Variants in TSHR observed in about 807,000 individuals in gnomAD.
TSHR encodes the protein thyrotropin receptor.
TSHR carries 51 observed loss-of-function variants against 64.1 expected under a neutral mutation model. That is an observed-to-expected ratio of 0.80 (90% CI 0.64 to 1.01). The LOEUF (loss-of-function observed/expected upper bound fraction) is 1.01, where lower values mean the gene tolerates loss of function less well. Among genes scored for constraint, TSHR ranks in the 50% least tolerant of loss-of-function variants. TSHR has a pLI of 0.00. For missense variants in TSHR, 877 were observed against 942.8 expected (o/e 0.93, Z 0.91); for synonymous variants, 361 against 361.9 (o/e 1.00, Z 0.03).
chr14:81,135,847 A>G (rs908868256), intron 8 of TSHR, among the ~76,000 whole-genome samples: 2 of 152,216 alleles, frequency 1.3e-5, no homozygotes, highest in African/African-American at 4.8e-5. Context: ...TGTCTGATTA[A>G]AACTGCAGAT....
intron 1 of TSHR, chr14:80,982,614 A>AT (rs1301117842): frequency 9.2e-7 from 1 of 1,092,536 alleles, no homozygotes; most frequent in African/African-American, 1.6e-5. Context: ...ATGGAAAAAA[A>AT]AAATAGGCCC....
chr14:81,082,374 A>G (rs1887967280), intron 3 of TSHR, among the ~76,000 whole-genome samples: 1 of 152,208 alleles, frequency 6.6e-6, no homozygotes, highest in Non-Finnish European at 1.5e-5. Flanking sequence ...GTCATGTGCA[A>G]TCCTGAGTTT....
chr14:80,996,404 T>A (rs1889022508), intron 1 of TSHR, among the ~76,000 whole-genome samples: 1 of 152,162 alleles, frequency 6.6e-6, no homozygotes, highest in Non-Finnish European at 1.5e-5. Context: ...TTTTTAAAAC[T>A]TTCGTCTATG....
chr14:81,085,182 G>A (rs377529917), intron 3 of TSHR, among the ~76,000 whole-genome samples: 7 of 152,044 alleles, frequency 4.6e-5, no homozygotes, highest in African/African-American at 1.7e-4. Flanking sequence ...GGCTGGTCTT[G>A]AACTCCTGAC....
chr14:81,027,144 T>A, intron 1 of TSHR, among the ~76,000 whole-genome samples: 1 of 149,040 alleles, frequency 6.7e-6, no homozygotes, highest in Non-Finnish European at 1.5e-5. Context: ...CAAAATGAAA[T>A]AGAAAAGAAA....
intron 1 of TSHR, chr14:80,983,461 C>A: frequency 1.5e-6 from 2 of 1,329,232 alleles, no homozygotes; most frequent in Non-Finnish European, 2.1e-6. Flanking sequence ...GCACTGGCAG[C>A]ATCAAAACTC....
In TSHR at chr14:81,143,701, G is replaced by T. The variant is rs1382824150; in HGVS notation, c.1643G>T (p.Cys548Phe). 1.2e-6 allele frequency: 2 copies of T among 1,614,092 alleles called. No homozygotes were observed. Among genetic ancestry groups the T allele is most frequent in the Non-Finnish European group, 1.7e-6 (2 of 1,180,056 alleles). Reference sequence around the variant, plus strand: ...GCCATCATGGTTGGGGGCTGGGTTTGCTGCTTCCTTCTCGCCCTGCTTCCT... The same window carrying T: ...GCCATCATGGTTGGGGGCTGGGTTTTCTGCTTCCTTCTCGCCCTGCTTCCT... Reference protein sequence around the residue: ...ACAIMVGGWVCCFLLALLPLV... With the variant: ...ACAIMVGGWVFCFLLALLPLV... The change falls in exon 10 of 10, where the codon TGC (cysteine) becomes TTC (phenylalanine). Residue 548 changes from cysteine (C) to phenylalanine (F), a missense_variant. Cys to Phe is a radical substitution (Grantham distance 205, BLOSUM62 -2). Transcript: ENST00000298171.
rs557239689 is a variant in TSHR, at chr14:81,092,753, A to G, written c.545+145A>G. The G allele has an allele frequency of 3.7e-5, 29 of 786,754 alleles. No individual in the cohort carries two copies. The South Asian group carries it at 4.0e-4, about 11-fold the overall frequency. The allele number at this position is 786,754 out of a possible 1,614,324, so 48.7% of individuals were successfully genotyped here. A position where few individuals can be genotyped will look rare whatever the true frequency, so the allele number is the denominator to read the frequency against. ...GTGTTTTACACAATTAAATAATAGTATTGTCTTATGGGATGGTACTCTGTA... is the reference window on the plus strand; with the variant it reads ...GTGTTTTACACAATTAAATAATAGTGTTGTCTTATGGGATGGTACTCTGTA... On this transcript the variant is annotated intron_variant, in intron 6 of 9. Transcript: ENST00000298171.
At chr14:80,969,073 G>A (rs1887460284) in intron 1 of TSHR, among the ~76,000 whole-genome samples, 3 of 152,180 alleles carry the variant, frequency 2.0e-5, no homozygotes, top group Non-Finnish European at 2.9e-5. Context: ...TCAGACATGT[G>A]TATCCTAGCT....
Position 80,955,717 on chromosome 14 carries a change from C to T in TSHR, c.37C>T (p.Leu13Phe), listed in dbSNP as rs2139669314. 2 of 1,614,150 alleles carry T rather than the reference C, an allele frequency of 1.2e-6. No individual in the cohort carries two copies. Among genetic ancestry groups the T allele is most frequent in the Middle Eastern group, 1.7e-4 (1 of 6,056 alleles). ...GGACTTGCTGCAGCTGGTGCTGCTG[C>T]TCGACCTGCCCAGGGACCTGGGCGG... ...PADLLQLVLL[L>F]DLPRDLGGMG... The change falls in exon 1 of 10, where the codon CTC becomes TTC. Residue 13 changes from leucine to phenylalanine, a missense_variant. Coordinates refer to ENST00000298171, the MANE Select transcript of TSHR (RefSeq NM_000369.5).
intron 1 of TSHR, among the ~76,000 whole-genome samples, chr14:80,979,866 GAGTTTCTTT>G (rs201856905): frequency 0.013 from 2,010 of 152,242 alleles, 15 homozygotes; most frequent in Middle Eastern, 0.048. Flanking sequence ...AATGGAAATG[GAGTTTCTTT>G]TGTTCTTGCT....
At chr14:81,000,264 T>TAATACCACCCCAGAAATCAGTCGC (rs71103893) in intron 1 of TSHR, among the ~76,000 whole-genome samples, 1 of 151,808 alleles carries the variant, frequency 6.6e-6, no homozygotes, top group East Asian at 1.9e-4. Context: ...ACTGACATTG[T>TAATACCACCCCAGAAATCAGTCGC]AAACCAGAAT....
intron 2 of TSHR, 91 bp from the exon 3 acceptor site, chr14:81,068,163 C>G (rs1036821949): frequency 7.7e-6 from 9 of 1,174,146 alleles, no homozygotes; most frequent in Middle Eastern, 2.0e-4. Flanking sequence ...ATCTGGGAAG[C>G]GCATAACAAA....
chr14:81,134,362 C>G (rs982154955), intron 8 of TSHR, among the ~76,000 whole-genome samples: 2 of 152,000 alleles, frequency 1.3e-5, no homozygotes, highest in Non-Finnish European at 2.9e-5. Context: ...TCTCAAACTC[C>G]CAACCTCAGG....
intron 1 of TSHR, among the ~76,000 whole-genome samples, chr14:81,047,927 T>C (rs1885248558): frequency 6.6e-6 from 1 of 152,112 alleles, no homozygotes. Flanking sequence ...ATTACAGGTG[T>C]GAGCCACCGC....
chr14:81,114,437 G>A lies in TSHR; in HGVS notation c.692+5985G>A, dbSNP rs368623016. Among the ~76,000 whole-genome samples the A allele has an allele frequency of 1.0e-3, 152 of 152,264 alleles. 3 individuals carry two copies. The South Asian group carries it at 0.029, about 29-fold the overall frequency. ...GGTGACAGACGGCAACTGGAAAATC[G>A]GGTCGCTCCCACCCGAATACTGCGC... On this transcript the variant is annotated intron_variant, in intron 8 of 9. Coordinates refer to ENST00000298171, the MANE Select transcript of TSHR (RefSeq NM_000369.5).
chr14:81,064,274 A>G (rs537842357), intron 2 of TSHR, among the ~76,000 whole-genome samples: 1 of 152,264 alleles, frequency 6.6e-6, no homozygotes, highest in East Asian at 1.9e-4. Context: ...ATGAAAAAGG[A>G]TAGAGATTTG....
At chr14:81,032,613 G>T in intron 1 of TSHR, 1 of 448,534 alleles carries the variant, frequency 2.2e-6, no homozygotes, top group South Asian at 1.9e-5. Flanking sequence ...CAGGTTGTTT[G>T]AACTAGCCAA....
intron 8 of TSHR, among the ~76,000 whole-genome samples, chr14:81,116,146 C>T (rs571885259): frequency 3.3e-5 from 5 of 151,704 alleles, no homozygotes; most frequent in Admixed American, 3.3e-4. Flanking sequence ...AACCAGCTAA[C>T]ATCAGAATGA....
Sources: gnomAD v4.1 joint callset for allele counts (sites outside exome capture counted in the v4.1 genomes callset) on GRCh38, gnomAD v4.1.1 for gene constraint, MANE v1.5 for transcripts, NCBI Gene and HGNC (gene_info 2026-07-23, HGNC 2026-07-21) for gene names.